The following MEIS1 variants were observed in gnomAD, a reference collection of about 807,000 sequenced individuals.
The protein encoded by MEIS1 is Meis homeobox 1.
A neutral mutation model predicts 50.8 loss-of-function variants in MEIS1; 5 were observed. That is an observed-to-expected ratio of 0.10 (90% CI 0.05 to 0.21). MEIS1 has a LOEUF of 0.21. Among genes scored for constraint, MEIS1 ranks in the 10% least tolerant of loss-of-function variants. The pLI, the probability that MEIS1 is intolerant of heterozygous loss-of-function variation, is 1.00. For missense variants in MEIS1, 318 were observed against 517.3 expected (o/e 0.61, Z 3.74); for synonymous variants, 176 against 179.3 (o/e 0.98, Z 0.15).
At chr2:66,521,292 G>A (rs528230358) in intron 8 of MEIS1, among the ~76,000 whole-genome samples, 1 of 152,060 alleles carries the variant, frequency 6.6e-6, no homozygotes, top group Non-Finnish European at 1.5e-5. Flanking sequence ...AGTGCTTTGG[G>A]GGGTGAAGAA....
intron 8 of MEIS1, among the ~76,000 whole-genome samples, chr2:66,544,035 A>T (rs1238212477): frequency 6.6e-6 from 1 of 152,170 alleles, no homozygotes; most frequent in African/African-American, 2.4e-5. Context: ...GTTTGGGAGG[A>T]TGGCAAGGAG....
chr2:66,443,018 T>C lies in MEIS1; in HGVS notation c.600T>C (p.Asp200=). Residue 200 remains aspartate (D), a synonymous_variant, in exon 6 of 13, where the codon GAT becomes GAC. Transcript: ENST00000272369. ...REGGSKSDSE[D]ITRSANLTDQ... ...GAGGATCAAAATCAGACAGTGAAGA[T>C]ATAACAAGATCAGCAAATCTAACTG... 2 of 1,600,532 alleles carry C rather than the reference T, an allele frequency of 1.2e-6. No homozygotes were observed. Among genetic ancestry groups the C allele is most frequent in the South Asian group, 1.1e-5 (1 of 87,232 alleles).
At chr2:66,500,955 TTGTG>T (rs879342240) in intron 7 of MEIS1, among the ~76,000 whole-genome samples, 5 of 152,066 alleles carry the variant, frequency 3.3e-5, no homozygotes, top group Non-Finnish European at 5.9e-5. Flanking sequence ...CTTTGTGTGT[TTGTG>T]TGTGTATTTG....
At position 66,571,698 on chromosome 2, in the gene MEIS1, A is replaced by T; in HGVS notation, c.*490A>T. 1 of 686,846 alleles carries T rather than the reference A, an allele frequency of 1.5e-6. No individual in the cohort carries two copies. Among genetic ancestry groups the T allele is most frequent in the Non-Finnish European group, 2.4e-6 (1 of 413,098 alleles). The allele number at this position is 686,846 out of a possible 1,614,324, so 42.5% of individuals were successfully genotyped here. A position where few individuals can be genotyped will look rare whatever the true frequency, so the allele number is the denominator to read the frequency against. On this transcript the variant is annotated 3_prime_UTR_variant, in exon 13 of 13. Transcript: ENST00000272369. ...ATACCAACTGAAGTCAATTTGGGGG[A>T]CATGCTAAATAACTATATAAGACAT...
intron 8 of MEIS1, among the ~76,000 whole-genome samples, chr2:66,520,079 A>T (rs906324964): frequency 2.6e-5 from 4 of 152,088 alleles, no homozygotes; most frequent in African/African-American, 7.2e-5. Context: ...ACCAGCAGGT[A>T]TAGTTTTTTT....
At chr2:66,439,391 C>T (rs1310271199) in intron 2 of MEIS1, 1 of 1,263,992 alleles carries the variant, frequency 7.9e-7, no homozygotes, top group Non-Finnish European at 9.9e-7. Context: ...CCGAGATCCC[C>T]CGAGCCTGGG....
intron 7 of MEIS1, 116 bp from the exon 8 acceptor site, chr2:66,512,033 G>T: frequency 8.4e-7 from 1 of 1,191,400 alleles, no homozygotes; most frequent in Non-Finnish European, 1.1e-6. Flanking sequence ...CAGTACCAAA[G>T]AAACTATTAA....
chr2:66,545,659 T>C (rs1335076534), intron 8 of MEIS1, among the ~76,000 whole-genome samples: 1 of 152,170 alleles, frequency 6.6e-6, no homozygotes, highest in Non-Finnish European at 1.5e-5. Context: ...AAGAAATTCA[T>C]TTGGTTTGTA....
At chr2:66,567,571 T>A (rs1675379611) in intron 10 of MEIS1, 60 bp downstream of exon 10, 2 of 1,536,436 alleles carry the variant, frequency 1.3e-6, no homozygotes, top group Non-Finnish European at 9.0e-7. Context: ...CTCAAGCCAT[T>A]CACCGGGAGG....
At chr2:66,472,843 T>C (rs779288700) in intron 7 of MEIS1, among the ~76,000 whole-genome samples, 22 of 152,156 alleles carry the variant, frequency 1.4e-4, no homozygotes, top group Non-Finnish European at 2.8e-4. Flanking sequence ...GTCTGAACCA[T>C]TGGGGTCATC....
chr2:66,463,296 A>G (rs757145568), intron 6 of MEIS1, among the ~76,000 whole-genome samples: 2 of 152,030 alleles, frequency 1.3e-5, no homozygotes, highest in Middle Eastern at 3.2e-3. Flanking sequence ...CCTACTGTGC[A>G]GGATGACCAG....
intron 7 of MEIS1, among the ~76,000 whole-genome samples, chr2:66,480,277 T>C (rs1220734753): frequency 6.6e-6 from 1 of 152,190 alleles, no homozygotes; most frequent in Non-Finnish European, 1.5e-5. Context: ...GAGCAAAAAA[T>C]ATACTGCATT....
At chr2:66,558,813 T>C (rs1251039431) in intron 9 of MEIS1, among the ~76,000 whole-genome samples, 1 of 152,016 alleles carries the variant, frequency 6.6e-6, no homozygotes, top group Middle Eastern at 3.2e-3. Context: ...AGGAAGGAGC[T>C]CAAAGGTACT....
At chr2:66,489,508 A>T (rs1172966355) in intron 7 of MEIS1, among the ~76,000 whole-genome samples, 1 of 152,250 alleles carries the variant, frequency 6.6e-6, no homozygotes, top group Non-Finnish European at 1.5e-5. Flanking sequence ...GATTGTTAAT[A>T]TAAAACTTCA....
intron 9 of MEIS1, among the ~76,000 whole-genome samples, chr2:66,552,284 A>G (rs1275515891): frequency 6.6e-6 from 1 of 152,194 alleles, no homozygotes; most frequent in Non-Finnish European, 1.5e-5. Context: ...GGTGTACTGA[A>G]TACATTTTAC....
At chr2:66,547,902 A>G (rs1558559544) in intron 8 of MEIS1, 41 bp from the exon 9 acceptor site, 1 of 1,604,426 alleles carries the variant, frequency 6.2e-7, no homozygotes. Context: ...AAATGGCTAA[A>G]TATTGCCTGA....
At chr2:66,513,720 T>C (rs1304470144) in intron 8 of MEIS1, among the ~76,000 whole-genome samples, 1 of 152,204 alleles carries the variant, frequency 6.6e-6, no homozygotes, top group African/African-American at 2.4e-5. Context: ...GTTGGAGATT[T>C]AGATTATTTG....
intron 7 of MEIS1, among the ~76,000 whole-genome samples, chr2:66,503,783 C>T (rs867549993): frequency 3.7e-5 from 5 of 133,574 alleles, no homozygotes; most frequent in South Asian, 2.4e-4. Flanking sequence ...CTAGCTCTGT[C>T]GCCCAGGCTG....
intron 9 of MEIS1, among the ~76,000 whole-genome samples, chr2:66,565,900 A>G (rs1675333786): frequency 1.3e-5 from 2 of 152,142 alleles, no homozygotes; most frequent in African/African-American, 4.8e-5. Flanking sequence ...GAAGGCAGCT[A>G]ATGAAAAAAC....
Sources: allele counts gnomAD v4.1 joint callset (sites outside exome capture counted in the v4.1 genomes callset), GRCh38; gene constraint gnomAD v4.1.1; transcripts MANE v1.5; gene names NCBI Gene and HGNC (gene_info 2026-07-23, HGNC 2026-07-21).